ACCSL: variants seen among roughly 807,000 people sequenced by gnomAD.
ACCSL encodes the protein 1-aminocyclopropane-1-carboxylate synthase homolog (inactive) like, also known as probable inactive 1-aminocyclopropane-1-carboxylate synthase-like protein 2.
Under a neutral mutation model 61.7 loss-of-function variants are expected in ACCSL, and 55 were observed. That is an observed-to-expected ratio of 0.89 (90% CI 0.72 to 1.12). ACCSL has a LOEUF of 1.12. Ranked by LOEUF, ACCSL falls within the 50% of genes most tolerant of loss-of-function variation. The pLI, the probability that ACCSL is intolerant of heterozygous loss-of-function variation, is 0.00. For missense variants in ACCSL, 632 were observed against 698.0 expected, an observed-to-expected ratio of 0.91 and a Z score of 1.07; for synonymous variants, 258 against 264.3, an observed-to-expected ratio of 0.98 and a Z score of 0.23.
At chr11:43,921,963 C>A in the ACCSL span, among the ~76,000 whole-genome samples, 2 of 152,082 alleles carry the variant, frequency 1.3e-5, no homozygotes, top group African/African-American at 4.8e-5. Flanking sequence ...GAATTCCAGA[C>A]CATGGCAAAG....
At chr11:43,961,670 G>A in the ACCSL span, among the ~76,000 whole-genome samples, 9,393 of 151,840 alleles carry the variant, frequency 0.062, 404 homozygotes, top group East Asian at 0.11. Context: ...TGAGAAAGAA[G>A]GAAACTTCTT....
At chr11:44,003,955 C>G in the ACCSL span, among the ~76,000 whole-genome samples, 1 of 152,286 alleles carries the variant, frequency 6.6e-6, no homozygotes, top group African/African-American at 2.4e-5. Context: ...GGAGCTGTTC[C>G]CCCAGGCCTT....
the ACCSL span, among the ~76,000 whole-genome samples, chr11:43,992,584 A>C: frequency 6.6e-6 from 1 of 152,290 alleles, no homozygotes; most frequent in African/African-American, 2.4e-5. Context: ...GTGGACACTC[A>C]TTGGCATTTG....
rs199703277 is a variant in ACCSL at position 44,051,339 on chromosome 11, C to A, written c.640C>A (p.Arg214=). ...YPDWRGQPFL[R]EEVARFLTYY... is the part of the protein sequence containing the mutation. ...TCTCTCTGGGTCTGTTTACAGCCTG[C>A]GGGAAGAAGTGGCCCGGTTCCTGAC... The change falls in exon 4 of 14, where the codon CGG becomes AGG. Residue 214 remains arginine (R), a synonymous_variant. Coordinates refer to ENST00000378832, the MANE Select transcript of ACCSL (RefSeq NM_001031854.2). The A allele has an allele frequency of 4.3e-6, 7 of 1,614,142 alleles. No individual in the cohort carries two copies. Among genetic ancestry groups the A allele is most frequent in the Admixed American group, 3.3e-5 (2 of 60,028 alleles).
At chr11:43,970,240 C>G in the ACCSL span, among the ~76,000 whole-genome samples, 2 of 152,160 alleles carry the variant, frequency 1.3e-5, no homozygotes, top group African/African-American at 4.8e-5. Flanking sequence ...GGGTTTTGCT[C>G]TGTCTCTCAG....
chr11:43,943,302 C>T, the ACCSL span: 2 of 1,450,810 alleles, frequency 1.4e-6, no homozygotes, highest in African/African-American at 1.5e-5. This position sits in a 1 kb window ranked among gnomAD's most constrained non-coding sequence, Gnocchi z 4.8. Flanking sequence ...GGGACGCGCG[C>T]GTCCGCGGTC....
the ACCSL span, among the ~76,000 whole-genome samples, chr11:43,936,794 A>T: frequency 8.5e-6 from 1 of 117,678 alleles, no homozygotes; most frequent in African/African-American, 3.3e-5. Flanking sequence ...GAGGTGGGGG[A>T]GTCATGGCTG....
At position 44,051,631 on chromosome 11, in the gene ACCSL, GCCTCT is replaced by G. The variant is rs774357393; in HGVS notation, c.706-20_706-16del. The G allele has an allele frequency of 6.2e-7, 1 of 1,614,102 alleles. No homozygotes were observed. The highest frequency in any genetic ancestry group is 8.5e-7 in the Non-Finnish European group (1 of 1,179,964). On this transcript the variant is annotated splice_polypyrimidine_tract_variant and intron_variant, in intron 4 of 13. Transcript: ENST00000378832. ...CACATAGGTATTGGTTTTGACTTCT[GCCTCT>G]CATGTGTTGTCTTCAGGTGGTGGTT...
chr11:44,050,275 C>A (rs1044941416), intron 2 of ACCSL, among the ~76,000 whole-genome samples, 154 bp downstream of exon 2: 7 of 152,200 alleles, frequency 4.6e-5, no homozygotes, highest in Non-Finnish European at 1.0e-4. Context: ...AACCTCCTGG[C>A]TTTGCTGACT....
the ACCSL span, among the ~76,000 whole-genome samples, chr11:44,033,527 C>T: frequency 7.9e-5 from 12 of 152,332 alleles, no homozygotes; most frequent in African/African-American, 2.2e-4. Context: ...TCTCCAGCCT[C>T]CTCACCCCCA....
the ACCSL span, among the ~76,000 whole-genome samples, chr11:44,033,871 C>T: frequency 3.3e-5 from 5 of 151,772 alleles, no homozygotes; most frequent in African/African-American, 1.2e-4. Context: ...ATGCTGGTGG[C>T]ATCCTAAGTG....
intron 9 of ACCSL, 70 bp downstream of exon 9, chr11:44,055,361 G>A (rs1952665173): frequency 8.1e-7 from 1 of 1,237,918 alleles, no homozygotes; most frequent in African/African-American, 1.5e-5. Flanking sequence ...GAGTTTATGT[G>A]ACATGAACTT....
the ACCSL span, among the ~76,000 whole-genome samples, chr11:43,951,869 C>T: frequency 2.0e-5 from 3 of 152,174 alleles, no homozygotes; most frequent in South Asian, 2.1e-4. Flanking sequence ...GGCATGTTGG[C>T]GCATGCCTGT....
At position 44,058,265 on chromosome 11, in the gene ACCSL, G is replaced by A. The variant is rs376825421; in HGVS notation, c.1328-52G>A. On this transcript the variant is annotated intron_variant, in intron 11 of 13. Transcript: ENST00000378832. ...AGGGAGCATTTGGGAAGGAACTCTC[G>A]GTAGATTTCTGTAGTAATATCTGTG... is the stretch of plus-strand genomic sequence containing the variant. 3.6e-4 allele frequency: 565 copies of A among 1,588,554 alleles called. 7 individuals carry two copies. In the South Asian group the frequency reaches 5.4e-3, roughly 15 times the overall value.
At chr11:44,046,271 A>G (rs1361325678), upstream of ACCSL, among the ~76,000 whole-genome samples, 1 of 152,200 alleles carries the variant, frequency 6.6e-6, no homozygotes, top group African/African-American at 2.4e-5. Context: ...AAGTTTTTGC[A>G]TTATGATTAA....
the ACCSL span, among the ~76,000 whole-genome samples, chr11:44,004,069 C>T: frequency 6.6e-6 from 1 of 152,044 alleles, no homozygotes. Flanking sequence ...GTATCTGGGA[C>T]CCTGACTGCC....
chr11:44,006,339 C>T, the ACCSL span, among the ~76,000 whole-genome samples: 1 of 152,138 alleles, frequency 6.6e-6, no homozygotes, highest in Non-Finnish European at 1.5e-5. Context: ...GACTGAGGCC[C>T]CTTCCAGCTC....
At chr11:43,950,975 T>C in the ACCSL span, among the ~76,000 whole-genome samples, 3 of 152,228 alleles carry the variant, frequency 2.0e-5, no homozygotes. Flanking sequence ...TTTTCCTGCA[T>C]GCAGGAAGGG....
At chr11:44,012,569 G>A in the ACCSL span, among the ~76,000 whole-genome samples, 5 of 152,166 alleles carry the variant, frequency 3.3e-5, no homozygotes, top group Admixed American at 3.3e-4. Flanking sequence ...TTATAGGTGT[G>A]AGCCACTGTA....
Sources: gnomAD v4.1 joint callset for allele counts (sites outside exome capture counted in the v4.1 genomes callset) on GRCh38, gnomAD v4.1.1 for gene constraint, Gnocchi (gnomAD v3.1) non-coding constraint, MANE v1.5 for transcripts, NCBI Gene and HGNC (gene_info 2026-07-23, HGNC 2026-07-21) for gene names.